Variants in NFATC2 observed in about 807,000 individuals in gnomAD.
NFATC2 encodes the protein nuclear factor of activated T-cells, cytoplasmic 2.
NFATC2 carries 22 observed loss-of-function variants against 87.3 expected under a neutral mutation model. The ratio of observed to expected loss-of-function variants is 0.25; its 90% CI spans 0.18 to 0.36. NFATC2 has a LOEUF of 0.36. NFATC2 is among the 10% of genes least tolerant of loss of function. NFATC2 has a pLI of 1.00. For missense variants in NFATC2, 1,149 were observed against 1,259.1 expected (o/e 0.91, Z 1.32); for synonymous variants, 565 against 542.2 (o/e 1.04, Z -0.58).
chr20:51,472,629 C>CTTTTTTTTTTTTTTTTTTT (rs1223762055), intron 5 of NFATC2, among the ~76,000 whole-genome samples: 1 of 92,734 alleles, frequency 1.1e-5, no homozygotes, highest in Non-Finnish European at 2.0e-5. Flanking sequence ...CTTCTTTCTT[C>CTTTTTTTTTTTTTTTTTTT]TTTTTTTTTT....
chr20:51,408,111 C>T (rs1020606874), intron 9 of NFATC2, among the ~76,000 whole-genome samples: 1 of 152,222 alleles, frequency 6.6e-6, no homozygotes, highest in Non-Finnish European at 1.5e-5. Flanking sequence ...GCATTTCCCA[C>T]CCATGTGGCA....
chr20:51,540,642 C>G (rs907738800), intron 1 of NFATC2, among the ~76,000 whole-genome samples: 5 of 75,842 alleles, frequency 6.6e-5, no homozygotes, highest in African/African-American at 6.6e-4. Context: ...GTTCCAAAAA[C>G]TGAAGTTTTT....
chr20:51,543,975 ATT>A (rs11473264), upstream of NFATC2, among the ~76,000 whole-genome samples: 170 of 72,932 alleles, frequency 2.3e-3, no homozygotes, highest in African/African-American at 9.5e-3. Flanking sequence ...AGAATTCCTA[ATT>A]TTTTTTTTTT....
At chr20:51,473,269 G>A (rs1203225670) in intron 5 of NFATC2, among the ~76,000 whole-genome samples, 1 of 152,040 alleles carries the variant, frequency 6.6e-6, no homozygotes, top group East Asian at 1.9e-4. Flanking sequence ...CTCATCTATG[G>A]ATCCCCAACC....
At chr20:51,550,610 T>C (rs1368893648) in intron 1 of NFATC2, among the ~76,000 whole-genome samples, 2 of 151,924 alleles carry the variant, frequency 1.3e-5, no homozygotes, top group Non-Finnish European at 2.9e-5. Context: ...ATAATAATAA[T>C]AATAAATACA....
At chr20:51,542,750 G>GGGGGGGA (rs1555819094), upstream of NFATC2, 9 of 567,904 alleles carry the variant, frequency 1.6e-5, 1 homozygote, top group African/African-American at 1.7e-4. Flanking sequence ...CCGGGGAGGC[G>GGGGGGGA]GGGGGGGGGG....
chr20:51,517,594 A>G (rs2076373065), intron 2 of NFATC2, among the ~76,000 whole-genome samples: 1 of 133,494 alleles, frequency 7.5e-6, no homozygotes, highest in Admixed American at 7.3e-5. Context: ...CCCTGTCTCA[A>G]AAAAAAAAAA....
intron 3 of NFATC2, among the ~76,000 whole-genome samples, chr20:51,499,023 A>C (rs1334272860): frequency 1.3e-5 from 2 of 152,032 alleles, no homozygotes; most frequent in Non-Finnish European, 2.9e-5. Flanking sequence ...GCAGGTGGGA[A>C]TGGAGTGAGG....
At chr20:51,542,755 G>GTT (rs1017683207), upstream of NFATC2, 12 of 395,524 alleles carry the variant, frequency 3.0e-5, 2 homozygotes, top group South Asian at 6.2e-4. Context: ...GAGGCGGGGG[G>GTT]GGGGGGGGCG....
Position 51,436,743 on chromosome 20 carries a change from T to C in NFATC2, c.1850-982A>G, listed in dbSNP as rs114621461. On this transcript the variant is annotated intron_variant, in intron 6 of 10. Transcript: ENST00000371564. Reference sequence around the variant, plus strand: ...ACAAACAAACAAACAAACAAACAAATAAATAAGTAAATAAATAAGTAAATA... The same window carrying C: ...ACAAACAAACAAACAAACAAACAAACAAATAAGTAAATAAATAAGTAAATA... Among the ~76,000 whole-genome samples, 377 of 151,652 alleles carry C rather than the reference T, an allele frequency of 2.5e-3. 5 individuals are homozygous for C. The highest frequency in any genetic ancestry group is 8.5e-3 in the African/African-American group (353 of 41,386).
rs1983397389 is a variant in NFATC2 at position 51,435,280 on chromosome 20, T to C, written c.1940A>G (p.Asn647Ser). 1.2e-6 allele frequency: 2 copies of C among 1,614,072 alleles called. No homozygotes were observed. Among genetic ancestry groups the C allele is most frequent in the East Asian group, 4.5e-5 (2 of 44,896 alleles). The change falls in exon 8 of 11, where the codon AAC (asparagine) becomes AGC (serine). Residue 647 changes from asparagine (N) to serine (S), a missense_variant. Transcript: ENST00000371564. ...MLFVEIPEYR[N>S]KHIRTPVKVN... ...TTTTACAGGTGTGCGGATATGCTTG[T>C]TCCGATATTCAGGGATCTCAACAAA...
chr20:51,516,987 C>A, intron 2 of NFATC2, 32 bp from the exon 3 acceptor site: 2 of 1,580,334 alleles, frequency 1.3e-6, no homozygotes, highest in African/African-American at 1.4e-5. Flanking sequence ...GCCATGTGTG[C>A]AATAAACCAA....
chr20:51,561,307 T>C (rs1299150213), intron 1 of NFATC2, among the ~76,000 whole-genome samples: 1 of 129,944 alleles, frequency 7.7e-6, no homozygotes, highest in Admixed American at 8.7e-5. Context: ...ACCCAAGGCA[T>C]TTGGCTTCAA....
chr20:51,404,083 C>T (rs367908943), intron 9 of NFATC2, among the ~76,000 whole-genome samples: 16 of 152,258 alleles, frequency 1.1e-4, no homozygotes, highest in South Asian at 2.1e-4. Flanking sequence ...ACCTTTGTGT[C>T]GCTTGGCTGA....
chr20:51,398,493 T>G, intron 10 of NFATC2, 150 bp downstream of exon 10: 1 of 550,372 alleles, frequency 1.8e-6, no homozygotes. Flanking sequence ...ACTTCAGGAG[T>G]GGAGGGGTCT....
chr20:51,412,025 G>A (rs928887762), intron 9 of NFATC2, among the ~76,000 whole-genome samples: 1 of 152,016 alleles, frequency 6.6e-6, no homozygotes, highest in African/African-American at 2.4e-5. Context: ...GAAATTCAAG[G>A]CCCCCATAGG....
chr20:51,426,332 G>A (rs1303823903), intron 9 of NFATC2, among the ~76,000 whole-genome samples: 2 of 152,148 alleles, frequency 1.3e-5, no homozygotes, highest in Non-Finnish European at 2.9e-5. Flanking sequence ...ACAAAAATTA[G>A]CCAGGCGTGC....
At chr20:51,420,384 C>T (rs1259273720) in intron 9 of NFATC2, among the ~76,000 whole-genome samples, 1 of 152,164 alleles carries the variant, frequency 6.6e-6, no homozygotes, top group African/African-American at 2.4e-5. Flanking sequence ...ACAATTGAAT[C>T]TGAATGAATG....
chr20:51,496,603 A>C (rs2075993144), intron 3 of NFATC2, among the ~76,000 whole-genome samples: 1 of 152,138 alleles, frequency 6.6e-6, no homozygotes, highest in South Asian at 2.1e-4. Context: ...AATTGGACAC[A>C]TACTGTCAGG....
Sources: gnomAD v4.1 joint callset for allele counts (sites outside exome capture counted in the v4.1 genomes callset) on GRCh38, gnomAD v4.1.1 for gene constraint, MANE v1.5 for transcripts, NCBI Gene and HGNC (gene_info 2026-07-23, HGNC 2026-07-21) for gene names.